Variants in NAV2 observed in about 807,000 individuals in gnomAD.
The protein encoded by NAV2 is helicase, APC down-regulated 1.
NAV2 carries 54 observed loss-of-function variants against 223.2 expected under a neutral mutation model. That is an observed-to-expected ratio of 0.24 (90% CI 0.19 to 0.30). The LOEUF (loss-of-function observed/expected upper bound fraction) is 0.30. Among genes scored for constraint, NAV2 ranks in the 10% least tolerant of loss-of-function variants. The pLI, the probability that NAV2 is intolerant of heterozygous loss-of-function variation, is 1.00. For missense variants in NAV2, 2,806 were observed against 3,147.5 expected (o/e 0.89, Z 2.60); for synonymous variants, 1,279 against 1,239.3 (o/e 1.03, Z -0.67).
chr11:19,627,176 T>A (rs182819566), intron 1 of NAV2, among the ~76,000 whole-genome samples: 8 of 152,194 alleles, frequency 5.3e-5, no homozygotes, highest in Admixed American at 5.2e-4. Context: ...TCGCCTGAGG[T>A]CAGGAGTTCG....
intron 1 of NAV2, among the ~76,000 whole-genome samples, chr11:19,760,677 A>G (rs1451803148): frequency 6.6e-6 from 1 of 152,170 alleles, no homozygotes; most frequent in Non-Finnish European, 1.5e-5. Context: ...GGAGTAAGAG[A>G]GAAGAATCTA....
chr11:20,029,632 G>A (rs979343753), intron 11 of NAV2, among the ~76,000 whole-genome samples: 4 of 152,182 alleles, frequency 2.6e-5, no homozygotes, highest in African/African-American at 4.8e-5. Flanking sequence ...TATCCCCACC[G>A]CCTTGCACAG....
chr11:20,048,857 T>C lies in NAV2; in HGVS notation c.4032T>C (p.Ser1344=), dbSNP rs576008196. ...GTAACCTAGACTCCCCGTCAGGCAG[T>C]GGCGTCCTGAGCAGTGGGAGCAGCA... The part of the protein sequence containing the change: ...QQGNLDSPSG[S]GVLSSGSSSP... Residue 1344 remains serine (S), a synonymous_variant, in exon 15 of 38, where the codon AGT becomes AGC. Coordinates refer to ENST00000349880, the MANE Select transcript of NAV2 (RefSeq NM_145117.5). 7 of 1,614,214 alleles carry C rather than the reference T, an allele frequency of 4.3e-6. No homozygotes were observed. The African/African-American group carries it at 6.7e-5, about 15-fold the overall frequency.
intron 1 of NAV2, among the ~76,000 whole-genome samples, chr11:19,648,606 C>A (rs1256837819): frequency 1.3e-5 from 2 of 152,140 alleles, no homozygotes; most frequent in Non-Finnish European, 2.9e-5. Flanking sequence ...TTGGTTCCAC[C>A]GTTGCTGCTG....
At chr11:19,623,233 AT>A (rs759748371) in intron 1 of NAV2, among the ~76,000 whole-genome samples, 87 of 152,192 alleles carry the variant, frequency 5.7e-4, no homozygotes, top group Non-Finnish European at 9.9e-4. Flanking sequence ...GAATCTGACA[AT>A]TATGTGTCTT....
chr11:19,917,569 C>T (rs2153225587), intron 6 of NAV2, among the ~76,000 whole-genome samples: 1 of 152,182 alleles, frequency 6.6e-6, no homozygotes, highest in Non-Finnish European at 1.5e-5. Flanking sequence ...TGCTATCCCC[C>T]TCTCATCTCA....
intron 1 of NAV2, among the ~76,000 whole-genome samples, chr11:19,390,150 C>A (rs920282651): frequency 2.0e-5 from 3 of 152,178 alleles, no homozygotes; most frequent in African/African-American, 7.2e-5. Flanking sequence ...AGGATCCTCA[C>A]CATGGTCATT....
intron 1 of NAV2, among the ~76,000 whole-genome samples, chr11:19,762,430 C>G (rs1444612350): frequency 2.6e-5 from 4 of 152,152 alleles, no homozygotes; most frequent in Non-Finnish European, 5.9e-5. Flanking sequence ...ACATTTGTGG[C>G]TTCATTTTCC....
intron 11 of NAV2, among the ~76,000 whole-genome samples, chr11:20,023,286 G>A (rs2054679140): frequency 6.7e-6 from 1 of 149,046 alleles, no homozygotes; most frequent in South Asian, 2.2e-4. Context: ...GTGAGTGGGG[G>A]TGGGAGGGGG....
At chr11:19,688,920 G>A (rs910829375) in intron 1 of NAV2, among the ~76,000 whole-genome samples, 12 of 151,966 alleles carry the variant, frequency 7.9e-5, no homozygotes, top group African/African-American at 2.7e-4. Flanking sequence ...GCCCAATTTG[G>A]ATGAAAAAAA....
intron 1 of NAV2, among the ~76,000 whole-genome samples, chr11:19,661,359 C>G (rs2048278330): frequency 6.6e-6 from 1 of 152,212 alleles, no homozygotes; most frequent in Non-Finnish European, 1.5e-5. Context: ...TCCATGGATA[C>G]TTGGGTTGCT....
chr11:19,806,908 T>G (rs781740618), intron 1 of NAV2, among the ~76,000 whole-genome samples: 13 of 152,214 alleles, frequency 8.5e-5, no homozygotes, highest in Non-Finnish European at 1.8e-4. Flanking sequence ...TAGCTAACCC[T>G]GCCTGGGCAT....
chr11:19,883,779 A>G (rs1468866673), intron 5 of NAV2, among the ~76,000 whole-genome samples: 1 of 152,250 alleles, frequency 6.6e-6, no homozygotes, highest in Non-Finnish European at 1.5e-5. Flanking sequence ...TAGTGAGTTT[A>G]ACAAGCATTA....
chr11:19,619,392 C>T (rs1175855580), intron 1 of NAV2, among the ~76,000 whole-genome samples: 1 of 152,094 alleles, frequency 6.6e-6, no homozygotes, highest in Non-Finnish European at 1.5e-5. Flanking sequence ...TAAAAGTGTT[C>T]CTATTTCTCC....
chr11:19,488,484 A>G (rs79222938), intron 1 of NAV2, among the ~76,000 whole-genome samples: 3,744 of 152,274 alleles, frequency 0.025, 56 homozygotes, highest in Middle Eastern at 0.037. Context: ...ATAGATGGCA[A>G]GATAAAGGTG....
intron 1 of NAV2, among the ~76,000 whole-genome samples, chr11:19,404,629 T>A (rs987293223): frequency 2.0e-5 from 3 of 152,228 alleles, no homozygotes; most frequent in African/African-American, 4.8e-5. Flanking sequence ...GATTATTTTT[T>A]AAAAAATTAA....
intron 1 of NAV2, among the ~76,000 whole-genome samples, chr11:19,376,102 G>T (rs139875127): frequency 2.0e-5 from 3 of 152,250 alleles, no homozygotes; most frequent in Non-Finnish European, 4.4e-5. Flanking sequence ...CAGATATGTC[G>T]CAGGGAAAAG....
At position 19,690,116 on chromosome 11, in the gene NAV2, A is replaced by G. The variant is rs182583275; in HGVS notation, c.76-142368A>G. ...CTCCTGAGTAGCTGGGATTACACCA[A>G]CACGGCCGGCTAATTTTGTATTTTT... is the stretch of plus-strand genomic sequence containing the variant. On this transcript the variant is annotated intron_variant, in intron 1 of 37. Coordinates refer to the NAV2 transcript ENST00000360655. 5.9e-5 allele frequency among the ~76,000 whole-genome samples: 9 copies of G among 152,170 alleles called. 1 individual carries two copies. The highest frequency in any genetic ancestry group is 2.2e-4 in the African/African-American group (9 of 41,514).
intron 22 of NAV2, among the ~76,000 whole-genome samples, chr11:20,076,241 A>C (rs374650005): frequency 1.4e-5 from 1 of 71,930 alleles, no homozygotes; most frequent in Admixed American, 1.4e-4. Context: ...CTAACTCTAA[A>C]TCCTGTTCCC....
Sources: allele counts gnomAD v4.1 joint callset (sites outside exome capture counted in the v4.1 genomes callset), GRCh38; gene constraint gnomAD v4.1.1; transcripts MANE v1.5; gene names NCBI Gene and HGNC (gene_info 2026-07-23, HGNC 2026-07-21).